The following RPTOR variants were observed in gnomAD, a reference collection of about 807,000 sequenced individuals.
RPTOR encodes the protein regulatory-associated protein of mTOR.
In RPTOR, 21 loss-of-function variants were observed where a neutral mutation model predicts 169.9. The observed-to-expected ratio is 0.12, with a 90% CI of 0.09 to 0.18. The LOEUF is 0.18. Among genes scored for constraint, RPTOR ranks in the 10% least tolerant of loss-of-function variants. RPTOR has a pLI of 1.00. For synonymous variants in RPTOR, 732 were observed against 753.2 expected (o/e 0.97, Z 0.46); for missense variants, 1,133 against 1,855.9 (o/e 0.61, Z 7.16).
rs1007142318 is a variant in RPTOR at position 80,677,426 on chromosome 17, C to T, written c.349-30415C>T. ...TGCTTAAAGCATTTTAACAGCTTTT[C>T]GTTGGCCCCAGTACAAAGTCTAAAC... On this transcript the variant is annotated intron_variant, in intron 3 of 33. Transcript: ENST00000306801. Among the ~76,000 whole-genome samples, 8 of 152,190 alleles carry T rather than the reference C, an allele frequency of 5.3e-5. No homozygotes were observed. In the East Asian group the frequency reaches 1.2e-3, roughly 22 times the overall value.
At chr17:80,939,266 A>G (rs6565499) in intron 24 of RPTOR, among the ~76,000 whole-genome samples, 136,324 of 152,268 alleles carry the variant, frequency 0.9, 61,304 homozygotes, top group African/African-American at 0.97. Context: ...GCGGAAAGTC[A>G]ATTAAATCCT....
intron 18 of RPTOR, 109 bp downstream of exon 18, chr17:80,891,946 GATACCTGC>G: frequency 1.6e-6 from 1 of 643,410 alleles, no homozygotes; most frequent in Non-Finnish European, 2.6e-6. Context: ...AGGTTTCTCA[GATACCTGC>G]CGCAAGGGGT....
intron 7 of RPTOR, among the ~76,000 whole-genome samples, chr17:80,798,576 G>C (rs1018761271): frequency 2.0e-5 from 3 of 151,984 alleles, no homozygotes; most frequent in African/African-American, 7.2e-5. Context: ...GAGTCAGCAG[G>C]ATGGCGCTCC....
rs886110970 is a variant in RPTOR at position 80,844,161 on chromosome 17, C to T, written c.1213-2312C>T. On this transcript the variant is annotated intron_variant, in intron 10 of 33. Coordinates refer to ENST00000306801, the MANE Select transcript of RPTOR (RefSeq NM_020761.3). This position sits in a 1 kb window ranked among gnomAD's most constrained non-coding sequence, Gnocchi z 4.7. The stretch of plus-strand genomic sequence containing the variant: ...CACGGGCCGCTCTCGAGATGTTTTC[C>T]GGAATATCATATAAAGTGTTGGCCA... Among the ~76,000 whole-genome samples the T allele has an allele frequency of 3.3e-5, 5 of 152,292 alleles. No homozygotes were observed. The East Asian group carries it at 5.8e-4, about 18-fold the overall frequency.
chr17:80,904,152 GGGCGGAGC>G (rs1440468443), intron 20 of RPTOR, among the ~76,000 whole-genome samples: 1 of 152,228 alleles, frequency 6.6e-6, no homozygotes, highest in Admixed American at 6.5e-5. Flanking sequence ...GGAGGAGGGA[GGGCGGAGC>G]GGCTGGTCAG....
chr17:80,719,726 G>T (rs529168185), intron 4 of RPTOR, among the ~76,000 whole-genome samples: 1 of 152,208 alleles, frequency 6.6e-6, no homozygotes, highest in African/African-American at 2.4e-5. Flanking sequence ...GTCAGGAGTG[G>T]GGGGAAGCGG....
chr17:80,736,162 C>A (rs1411964289), intron 5 of RPTOR, among the ~76,000 whole-genome samples: 2 of 151,096 alleles, frequency 1.3e-5, no homozygotes, highest in Admixed American at 6.6e-5. Flanking sequence ...TAGAGTGAGA[C>A]CCCATCTCTT....
At chr17:80,665,080 T>C (rs939433937) in intron 3 of RPTOR, among the ~76,000 whole-genome samples, 2 of 152,142 alleles carry the variant, frequency 1.3e-5, no homozygotes, top group African/African-American at 4.8e-5. Context: ...ATCACTGAGA[T>C]CTTTGGGCAA....
intron 10 of RPTOR, among the ~76,000 whole-genome samples, chr17:80,841,761 C>G (rs1159324973): frequency 4.1e-5 from 6 of 145,004 alleles, no homozygotes; most frequent in Non-Finnish European, 9.0e-5. Flanking sequence ...CGGCAGCTCA[C>G]TCTCCCCGCA....
chr17:80,630,157 A>G (rs2065431259), intron 2 of RPTOR, among the ~76,000 whole-genome samples: 1 of 152,250 alleles, frequency 6.6e-6, no homozygotes, highest in East Asian at 1.9e-4. Flanking sequence ...AAACAGGGTC[A>G]GCCCTGAGTC....
At chr17:80,940,641 G>A in intron 25 of RPTOR, 40 bp downstream of exon 25, 1 of 1,536,776 alleles carries the variant, frequency 6.5e-7, no homozygotes, top group Non-Finnish European at 8.9e-7. Flanking sequence ...CTCATTCCGG[G>A]GGTGGGGCCT....
At chr17:80,930,195 G>GCCCAGCTCATCCCCAGCTCATC (rs1567993346) in intron 24 of RPTOR, among the ~76,000 whole-genome samples, 3 of 18,740 alleles carry the variant, frequency 1.6e-4, no homozygotes, top group African/African-American at 2.1e-4. Flanking sequence ...CCCAGCTCAT[G>GCCCAGCTCATCCCCAGCTCATC]CCCAGCTCAT....
At chr17:80,962,818 AGCCTGTCCCCGTGGTCTAGCCG>A (rs1261197583) in intron 32 of RPTOR, 88 bp from the exon 33 acceptor site, 38 of 1,541,432 alleles carry the variant, frequency 2.5e-5, no homozygotes, top group South Asian at 1.6e-4. Flanking sequence ...GCCCCGAGCC[AGCCTGTCCCCGTGGTCTAGCCG>A]GCCTGTCCCC....
chr17:80,917,835 G>A (rs56258921), intron 21 of RPTOR, among the ~76,000 whole-genome samples: 5 of 152,012 alleles, frequency 3.3e-5, no homozygotes, highest in Non-Finnish European at 7.4e-5. Flanking sequence ...TGAGCTCTAC[G>A]TCCAGCCCCT....
chr17:80,577,269 A>G (rs778716495), intron 1 of RPTOR, among the ~76,000 whole-genome samples: 13 of 152,108 alleles, frequency 8.5e-5, no homozygotes, highest in Non-Finnish European at 7.4e-5. Context: ...ACCTCAGGCA[A>G]TCCATCTGAA....
intron 20 of RPTOR, among the ~76,000 whole-genome samples, chr17:80,904,708 G>A (rs908248349): frequency 4.6e-5 from 7 of 152,270 alleles, no homozygotes; most frequent in South Asian, 2.1e-4. Context: ...TGGTGGACTC[G>A]AATCCGATGG....
At chr17:80,849,137 A>G (rs529465887) in intron 11 of RPTOR, among the ~76,000 whole-genome samples, 11 of 152,186 alleles carry the variant, frequency 7.2e-5, no homozygotes, top group Non-Finnish European at 1.6e-4. Context: ...AACTCGGCTC[A>G]CTTCCCCGCG....
chr17:80,732,975 C>G (rs144979403), intron 5 of RPTOR, among the ~76,000 whole-genome samples: 8 of 152,164 alleles, frequency 5.3e-5, no homozygotes, highest in African/African-American at 1.9e-4. Flanking sequence ...AAAAAATAAA[C>G]AATTGATTAA....
intron 6 of RPTOR, among the ~76,000 whole-genome samples, chr17:80,782,072 C>A (rs1215480956): frequency 6.6e-6 from 1 of 152,218 alleles, no homozygotes; most frequent in South Asian, 2.1e-4. Context: ...ACAGCAGCAC[C>A]GTTCCCCCAG....
Sources: allele counts gnomAD v4.1 joint callset (sites outside exome capture counted in the v4.1 genomes callset), GRCh38; gene constraint gnomAD v4.1.1; non-coding constraint Gnocchi (gnomAD v3.1); transcripts MANE v1.5; gene names NCBI Gene and HGNC (gene_info 2026-07-23, HGNC 2026-07-21).